The following ABAT variants were observed in gnomAD, a reference collection of about 807,000 sequenced individuals.
ABAT encodes the protein 4-aminobutyrate aminotransferase.
A neutral mutation model predicts 64.6 loss-of-function variants in ABAT; 45 were observed. The observed-to-expected ratio is 0.70, with a 90% CI of 0.55 to 0.89. The LOEUF is 0.89. Ranked by LOEUF, ABAT falls within the 40% of genes least tolerant of loss-of-function variation. ABAT has a pLI of 0.00. For synonymous variants in ABAT, 297 were observed against 250.5 expected (o/e 1.19, Z -1.75); for missense variants, 633 against 658.4 (o/e 0.96, Z 0.42).
At chr16:8,691,122 A>G (rs2057570096) in intron 1 of ABAT, among the ~76,000 whole-genome samples, 1 of 151,936 alleles carries the variant, frequency 6.6e-6, no homozygotes, top group Non-Finnish European at 1.5e-5. Context: ...ACTTGCCCAT[A>G]TTGGCACATA....
At chr16:8,731,811 C>T (rs193152166) in intron 1 of ABAT, among the ~76,000 whole-genome samples, 2,195 of 152,112 alleles carry the variant, frequency 0.014, 57 homozygotes, top group African/African-American at 0.05. Flanking sequence ...CCTTTTTTCC[C>T]TTCCCCCAGC....
At chr16:8,704,474 T>C (rs1197680021) in intron 1 of ABAT, among the ~76,000 whole-genome samples, 2 of 152,232 alleles carry the variant, frequency 1.3e-5, no homozygotes, top group African/African-American at 4.8e-5. Flanking sequence ...TTGATAAAAT[T>C]AATAATACAG....
chr16:8,676,811 C>T (rs1383347307), intron 1 of ABAT, among the ~76,000 whole-genome samples: 1 of 152,220 alleles, frequency 6.6e-6, no homozygotes, highest in African/African-American at 2.4e-5. Flanking sequence ...CCTGCCCACG[C>T]CCTCTGGCTT....
chr16:8,771,150 C>T (rs1239520423), intron 11 of ABAT, among the ~76,000 whole-genome samples: 1 of 151,968 alleles, frequency 6.6e-6, no homozygotes, highest in Non-Finnish European at 1.5e-5. Context: ...ACAAAATTAG[C>T]CGGGCATGGT....
In ABAT at chr16:8,749,288, C is replaced by T. The variant is rs548957472; in HGVS notation, c.199-1134C>T. The stretch of plus-strand genomic sequence containing the variant: ...TATTTTTAGTAGAGATGGGGTTTCA[C>T]CACGTTGGTCAGGCTGGTCTCGAAC... On this transcript the variant is annotated intron_variant, in intron 4 of 15. Transcript: ENST00000268251. Among the ~76,000 whole-genome samples the T allele has an allele frequency of 6.0e-5, 9 of 151,054 alleles. No individual in the cohort carries two copies. In the South Asian group the frequency reaches 1.9e-3, roughly 32 times the overall value.
chr16:8,775,796 G>C (rs2060250410), intron 13 of ABAT, among the ~76,000 whole-genome samples: 1 of 152,122 alleles, frequency 6.6e-6, no homozygotes, highest in African/African-American at 2.4e-5. Context: ...TCCAATACTT[G>C]ACTAAGACCC....
In ABAT at chr16:8,780,380, C is replaced by T. The variant is rs544778895; in HGVS notation, c.1381+790C>T. On this transcript the variant is annotated intron_variant, in intron 15 of 15. Transcript: ENST00000268251. Reference sequence around the variant, plus strand: ...TATGTCAGGCACATTGTCAGTTCTTCTTGTGCCATCTTACAGAATCCTTGC... The same window carrying T: ...TATGTCAGGCACATTGTCAGTTCTTTTTGTGCCATCTTACAGAATCCTTGC... The T allele has an allele frequency of 4.5e-5, 7 of 154,500 alleles. No individual in the cohort carries two copies. In the South Asian group the frequency reaches 1.4e-3, roughly 31 times the overall value. 9.6% of individuals were successfully genotyped at this position (154,500 alleles called of 1,614,324 possible).
chr16:8,727,229 G>C (rs895861308), intron 1 of ABAT, among the ~76,000 whole-genome samples: 7 of 152,116 alleles, frequency 4.6e-5, no homozygotes, highest in African/African-American at 1.7e-4. Context: ...TCCTCCCTTT[G>C]AGAGGGTCTC....
At chr16:8,683,181 C>T (rs1382901063) in intron 1 of ABAT, 2 of 152,170 alleles carry the variant, frequency 1.3e-5, no homozygotes, top group Non-Finnish European at 2.9e-5. Flanking sequence ...ACACGATGAC[C>T]ATGAAAGCAG....
chr16:8,727,108 G>A (rs906770025), intron 1 of ABAT, among the ~76,000 whole-genome samples: 3 of 152,136 alleles, frequency 2.0e-5, no homozygotes, highest in Non-Finnish European at 2.9e-5. Context: ...TGTGAGAGGA[G>A]TAGTTTGTAA....
chr16:8,705,084 G>T (rs1015708198), intron 1 of ABAT, among the ~76,000 whole-genome samples: 1 of 151,718 alleles, frequency 6.6e-6, no homozygotes. Flanking sequence ...TTTTTTGATG[G>T]GGTGCTGTAT....
chr16:8,756,164 G>A (rs889828754), intron 5 of ABAT, among the ~76,000 whole-genome samples: 13 of 152,144 alleles, frequency 8.5e-5, no homozygotes, highest in Non-Finnish European at 1.6e-4. Flanking sequence ...AGGTCACAAC[G>A]AGCCACGATT....
intron 5 of ABAT, among the ~76,000 whole-genome samples, chr16:8,753,871 C>T (rs577752451): frequency 6.6e-6 from 1 of 152,252 alleles, no homozygotes; most frequent in Admixed American, 6.5e-5. Flanking sequence ...TTTCACTTTT[C>T]TATTCTATTA....
At chr16:8,707,065 T>G (rs1386091693) in intron 1 of ABAT, among the ~76,000 whole-genome samples, 1 of 152,126 alleles carries the variant, frequency 6.6e-6, no homozygotes, top group African/African-American at 2.4e-5. Flanking sequence ...CCCAGATGCC[T>G]CATGAAAGGC....
intron 2 of ABAT, among the ~76,000 whole-genome samples, chr16:8,739,139 G>A (rs2142482107): frequency 6.6e-6 from 1 of 152,324 alleles, no homozygotes; most frequent in East Asian, 1.9e-4. Context: ...TGGGTATTAA[G>A]GATGTGGCAG....
intron 1 of ABAT, among the ~76,000 whole-genome samples, chr16:8,717,177 C>A (rs185461074): frequency 6.6e-6 from 1 of 152,080 alleles, no homozygotes; most frequent in Non-Finnish European, 1.5e-5. Flanking sequence ...GTCATCCCAG[C>A]TACTCGGGAG....
At chr16:8,679,767 G>A (rs912266476) in intron 1 of ABAT, among the ~76,000 whole-genome samples, 2 of 152,046 alleles carry the variant, frequency 1.3e-5, no homozygotes, top group African/African-American at 4.8e-5. Context: ...TTAGCAGGCT[G>A]AATCAGTTGT....
chr16:8,735,910 C>G, intron 2 of ABAT, 101 bp downstream of exon 2: 2 of 1,014,084 alleles, frequency 2.0e-6, no homozygotes, highest in South Asian at 1.4e-5. Context: ...AAGGGACCAG[C>G]CAGTGAGTGT....
At chr16:8,754,196 A>AAAAT (rs2059576075) in intron 5 of ABAT, among the ~76,000 whole-genome samples, 1 of 148,672 alleles carries the variant, frequency 6.7e-6, no homozygotes, top group African/African-American at 2.5e-5. Flanking sequence ...AAAAAAAAAA[A>AAAAT]AAAAAAAAAT....
Sources: allele counts gnomAD v4.1 joint callset (sites outside exome capture counted in the v4.1 genomes callset), GRCh38; gene constraint gnomAD v4.1.1; transcripts MANE v1.5; gene names NCBI Gene and HGNC (gene_info 2026-07-23, HGNC 2026-07-21).